The following REPS1 variants were observed in gnomAD, a reference collection of about 807,000 sequenced individuals.
REPS1 encodes the protein ralBP1-associated Eps domain-containing protein 1.
Under a neutral mutation model 100.9 loss-of-function variants are expected in REPS1, and 39 were observed. That is an observed-to-expected ratio of 0.39 (90% CI 0.30 to 0.50). REPS1 has a LOEUF of 0.50. REPS1 is among the 20% of genes least tolerant of loss of function. The pLI, the probability that REPS1 is intolerant of heterozygous loss-of-function variation, is 0.86. For synonymous variants in REPS1, 324 were observed against 340.3 expected, an observed-to-expected ratio of 0.95 and a Z score of 0.53; for missense variants, 821 against 968.5, an observed-to-expected ratio of 0.85 and a Z score of 2.02.
At chr6:138,916,132 C>T in intron 13 of REPS1, 156 bp from the exon 14 acceptor site, 1 of 662,014 alleles carries the variant, frequency 1.5e-6, no homozygotes, top group Non-Finnish European at 2.7e-6. Context: ...TAAGATAGCA[C>T]TGTTTATGAT....
intron 2 of REPS1, among the ~76,000 whole-genome samples, chr6:138,946,143 G>A (rs566257231): frequency 4.1e-4 from 62 of 152,204 alleles, no homozygotes; most frequent in African/African-American, 1.2e-3. Flanking sequence ...TACTCACACC[G>A]GGTCTTTAAA....
At chr6:138,907,324 G>GTGTGTGTGTGTC (rs1298931438) in intron 19 of REPS1, 171 bp downstream of exon 19, 1 of 467,750 alleles carries the variant, frequency 2.1e-6, no homozygotes, top group Non-Finnish European at 3.9e-6. Flanking sequence ...GTGTGTGTGT[G>GTGTGTGTGTGTC]TGTGTGTGTG....
chr6:138,987,419 C>A, intron 1 of REPS1, 111 bp downstream of exon 1: 2 of 1,196,694 alleles, frequency 1.7e-6, no homozygotes, highest in Non-Finnish European at 2.2e-6. Context: ...GCGGGGACCC[C>A]CCGAGGAACC....
chr6:138,977,586 A>G (rs528631565), intron 1 of REPS1, among the ~76,000 whole-genome samples: 1 of 150,046 alleles, frequency 6.7e-6, no homozygotes, highest in African/African-American at 2.5e-5. Flanking sequence ...TATAACATAT[A>G]TCACTAATTT....
chr6:138,980,696 G>C (rs1288853806), intron 1 of REPS1, among the ~76,000 whole-genome samples: 3 of 131,390 alleles, frequency 2.3e-5, no homozygotes, highest in South Asian at 2.6e-4. Context: ...GGGGGGGGGG[G>C]GGAACGGAGA....
At chr6:138,924,391 T>A (rs762697739) in intron 10 of REPS1, among the ~76,000 whole-genome samples, 32 of 152,136 alleles carry the variant, frequency 2.1e-4, no homozygotes, top group Non-Finnish European at 4.6e-4. Flanking sequence ...GAGCTGCAAA[T>A]CTGAATATTA....
rs1316980806 is a variant in REPS1, at chr6:138,987,439, C to A, written c.153+91G>T. The A allele has an allele frequency of 3.1e-6, 4 of 1,306,518 alleles. No homozygotes were observed. In the African/African-American group the frequency reaches 4.6e-5, roughly 15 times the overall value. The allele number at this position is 1,306,518 out of a possible 1,614,324, so 80.9% of individuals were successfully genotyped here. ...GACCCCCCGAGGAACCAGCCCCCCG[C>A]CGGGCCCCAAGGAATCGGCGCCCAC... On this transcript the variant is annotated intron_variant, in intron 1 of 19. Coordinates refer to ENST00000450536, the MANE Select transcript of REPS1 (RefSeq NM_001286611.2).
intron 1 of REPS1, among the ~76,000 whole-genome samples, chr6:138,970,026 G>A (rs1784249633): frequency 6.6e-6 from 1 of 152,026 alleles, no homozygotes; most frequent in African/African-American, 2.4e-5. Flanking sequence ...GCTAGATGAT[G>A]AAGGCTCTAA....
intron 1 of REPS1, among the ~76,000 whole-genome samples, chr6:138,979,341 T>C (rs1439675128): frequency 1.3e-5 from 2 of 152,266 alleles, no homozygotes; most frequent in East Asian, 3.9e-4. Flanking sequence ...GCAGAATTTC[T>C]CACACTCAAA....
rs1362009156 is a variant in REPS1, at chr6:138,908,795, C to G, written c.2089G>C (p.Ala697Pro). ...CTTCGAACAGGTTTAGGTGGTGGAG[C>G]AAGTGGTGTTGTGCCTTTGCTCTTT... ...ANVSKGTTPL[A>P]PPPKPVRRRL... Residue 697 changes from alanine (A) to proline (P), a missense_variant, in exon 18 of 20, where the codon GCT becomes CCT. Physicochemically the swap from Ala to Pro is conservative, Grantham distance 27. This residue lies in a region of REPS1 where 757 missense variants were observed against 866.4 expected (regional missense o/e 0.87). Coordinates refer to ENST00000450536, the MANE Select transcript of REPS1 (RefSeq NM_001286611.2). The G allele has an allele frequency of 6.2e-7, 1 of 1,613,960 alleles. No homozygotes were observed. The highest frequency in any genetic ancestry group is 1.7e-5 in the Admixed American group (1 of 59,982).
intron 8 of REPS1, among the ~76,000 whole-genome samples, chr6:138,939,237 T>C (rs1017741523): frequency 4.6e-5 from 7 of 152,156 alleles, no homozygotes; most frequent in Admixed American, 6.5e-5. Flanking sequence ...GTGATCCAAA[T>C]GTTTACAACA....
chr6:138,940,604 G>A (rs1249485775), intron 8 of REPS1, among the ~76,000 whole-genome samples: 1 of 152,024 alleles, frequency 6.6e-6, no homozygotes, highest in Admixed American at 6.6e-5. Flanking sequence ...AATTAGCGGG[G>A]CATGGTGGTG....
intron 1 of REPS1, among the ~76,000 whole-genome samples, chr6:138,967,850 T>C (rs1784106175): frequency 6.6e-6 from 1 of 152,132 alleles, no homozygotes; most frequent in Non-Finnish European, 1.5e-5. Flanking sequence ...ACTTTATGAA[T>C]GAATTCATTT....
rs117270425 is a variant in REPS1, at chr6:138,972,441, G to T, written c.153+15089C>A. On this transcript the variant is annotated intron_variant, in intron 1 of 19. Transcript: ENST00000450536. ...GGTAGAAGCTTTTAAGGCTGATTAC[G>T]CATGACTAATCAGATTTGAAATGCT... Among the ~76,000 whole-genome samples, 986 of 152,174 alleles carry T rather than the reference G, an allele frequency of 6.5e-3. 2 individuals carry two copies. Among genetic ancestry groups the T allele is most frequent in the Middle Eastern group, 0.01 (3 of 294 alleles).
At chr6:138,964,606 A>T (rs1445040977) in intron 1 of REPS1, among the ~76,000 whole-genome samples, 1 of 152,070 alleles carries the variant, frequency 6.6e-6, no homozygotes, top group African/African-American at 2.4e-5. Flanking sequence ...TGTATAATAT[A>T]TACAATTTTT....
At chr6:138,935,856 C>CGGGGGGGGGGGGGG (rs1449985583) in intron 8 of REPS1, among the ~76,000 whole-genome samples, 1 of 2,196 alleles carries the variant, frequency 4.6e-4, no homozygotes, top group African/African-American at 8.3e-4. Context: ...TCCATCTTGG[C>CGGGGGGGGGGGGGG]GGGGGGGGGG....
intron 1 of REPS1, among the ~76,000 whole-genome samples, chr6:138,968,428 T>A (rs1784132236): frequency 6.6e-6 from 1 of 152,220 alleles, no homozygotes; most frequent in African/African-American, 2.4e-5. Flanking sequence ...AAAGAGAAAG[T>A]TCTTGCCCAA....
chr6:138,927,699 A>G (rs1781225280), intron 9 of REPS1: 1 of 152,202 alleles, frequency 6.6e-6, no homozygotes, highest in Non-Finnish European at 1.5e-5. Flanking sequence ...TAATTCAACG[A>G]CTTTTCCTAC....
chr6:138,938,675 T>C (rs1268244709), intron 8 of REPS1, among the ~76,000 whole-genome samples: 1 of 152,110 alleles, frequency 6.6e-6, no homozygotes, highest in Non-Finnish European at 1.5e-5. Flanking sequence ...TATGTTTCAG[T>C]AATTAGCATG....
Sources: allele counts gnomAD v4.1 joint callset (sites outside exome capture counted in the v4.1 genomes callset), GRCh38; gene constraint gnomAD v4.1.1; regional missense constraint gnomAD v4.1.1; transcripts MANE v1.5; gene names NCBI Gene and HGNC (gene_info 2026-07-23, HGNC 2026-07-21).